Variants in UNC5C observed in about 807,000 individuals in gnomAD.
The protein encoded by UNC5C is netrin receptor UNC5C.
UNC5C carries 47 observed loss-of-function variants against 99.8 expected under a neutral mutation model. That is an observed-to-expected ratio of 0.47 (90% CI 0.37 to 0.60). The LOEUF is 0.60. Ranked by LOEUF, UNC5C falls within the 20% of genes least tolerant of loss-of-function variation. UNC5C has a pLI of 0.00. For missense variants in UNC5C, 1,062 were observed against 1,165.9 expected (o/e 0.91, Z 1.30); for synonymous variants, 487 against 452.2 (o/e 1.08, Z -0.98).
intron 8 of UNC5C, among the ~76,000 whole-genome samples, chr4:95,219,532 T>C (rs1374795722): frequency 6.6e-6 from 1 of 152,172 alleles, no homozygotes; most frequent in Non-Finnish European, 1.5e-5. Flanking sequence ...ATAATTTGCT[T>C]TGATGTCTAC....
intron 1 of UNC5C, among the ~76,000 whole-genome samples, chr4:95,500,928 A>C (rs1295966329): frequency 1.3e-5 from 2 of 152,128 alleles, no homozygotes; most frequent in Non-Finnish European, 2.9e-5. Context: ...TGGAAAAGAA[A>C]TGTTACAACT....
intron 1 of UNC5C, among the ~76,000 whole-genome samples, chr4:95,536,050 A>G (rs937090729): frequency 1.6e-5 from 2 of 127,458 alleles, no homozygotes; most frequent in African/African-American, 2.9e-5. Flanking sequence ...GGCAGTCCAT[A>G]TACATACATA....
intron 11 of UNC5C, among the ~76,000 whole-genome samples, chr4:95,204,914 A>T (rs1016039598): frequency 6.6e-6 from 1 of 152,222 alleles, no homozygotes; most frequent in Non-Finnish European, 1.5e-5. Context: ...AGCATCAGTG[A>T]AATAATTTCT....
intron 2 of UNC5C, among the ~76,000 whole-genome samples, chr4:95,306,734 T>G (rs1333565454): frequency 6.6e-6 from 1 of 152,180 alleles, no homozygotes; most frequent in Non-Finnish European, 1.5e-5. Context: ...GATATCATGT[T>G]GTGCAGGCCT....
At chr4:95,171,160 A>G (rs1253029532) in intron 14 of UNC5C, among the ~76,000 whole-genome samples, 2 of 152,176 alleles carry the variant, frequency 1.3e-5, no homozygotes, top group South Asian at 2.1e-4. Context: ...CCTGGGAACT[A>G]TTAAAGCAAT....
intron 14 of UNC5C, among the ~76,000 whole-genome samples, chr4:95,176,028 A>G (rs543579334): frequency 1.6e-3 from 241 of 151,354 alleles, no homozygotes; most frequent in African/African-American, 5.6e-3. Context: ...CTTCCAGTTG[A>G]TCGCATTGGC....
At chr4:95,499,432 C>G (rs1045287728) in intron 1 of UNC5C, among the ~76,000 whole-genome samples, 3 of 152,096 alleles carry the variant, frequency 2.0e-5, no homozygotes, top group Non-Finnish European at 4.4e-5. Flanking sequence ...ATCCAAGCAG[C>G]CTTTGCCTCT....
At chr4:95,364,961 A>C (rs1744508341) in intron 1 of UNC5C, among the ~76,000 whole-genome samples, 1 of 151,920 alleles carries the variant, frequency 6.6e-6, no homozygotes, top group East Asian at 1.9e-4. Flanking sequence ...ACTAATATAG[A>C]TATATTTATA....
At chr4:95,332,919 C>T (rs1035041615) in intron 2 of UNC5C, among the ~76,000 whole-genome samples, 1 of 152,118 alleles carries the variant, frequency 6.6e-6, no homozygotes. Context: ...AGGACATGAA[C>T]AGACACCTCT....
rs201664160 is a variant in UNC5C, at chr4:95,189,698, CT to C, written c.2137-4503del. Among the ~76,000 whole-genome samples, 707 of 152,294 alleles carry C rather than the reference CT, an allele frequency of 4.6e-3. 6 individuals are homozygous for C. The highest frequency in any genetic ancestry group is 0.015 in the African/African-American group (643 of 41,558). ...GGGCGAAGGATATGAACAGACACTT[CT>C]CAAAAGAAGACATTTATGCAGTCAA... On this transcript the variant is annotated intron_variant, in intron 12 of 15. Transcript: ENST00000453304.
At chr4:95,191,591 C>T (rs1461056132) in intron 12 of UNC5C, among the ~76,000 whole-genome samples, 1 of 151,582 alleles carries the variant, frequency 6.6e-6, no homozygotes. Flanking sequence ...TCACCTTTCT[C>T]CCCTGCTCTC....
chr4:95,267,175 G>C (rs1740479833), intron 4 of UNC5C, among the ~76,000 whole-genome samples: 1 of 152,216 alleles, frequency 6.6e-6, no homozygotes, highest in Admixed American at 6.5e-5. Flanking sequence ...GGGGCAAAGT[G>C]ATATAATTTT....
Position 95,219,081 on chromosome 4 carries a change from C to T in UNC5C, c.1533G>A (p.Glu511=), listed in dbSNP as rs373018154. 9.9e-6 allele frequency: 16 copies of T among 1,614,152 alleles called. No individual in the cohort carries two copies. The highest frequency in any genetic ancestry group is 1.4e-5 in the Non-Finnish European group (16 of 1,180,016). Residue 511 remains glutamate (E), a synonymous_variant, in exon 9 of 16, where the codon GAG becomes GAA. Coordinates refer to ENST00000453304, the MANE Select transcript of UNC5C (RefSeq NM_003728.4). The part of the protein sequence containing the change: ...LSPQMTQSLL[E]NEALSLKNQS... ...GGTTCTTCAGGCTGAGGGCTTCATT[C>T]TCCAACAACGACTGGGTCATCTGAG...
chr4:95,414,265 G>C (rs1441089985), intron 1 of UNC5C, among the ~76,000 whole-genome samples: 1 of 150,172 alleles, frequency 6.7e-6, no homozygotes, highest in African/African-American at 2.4e-5. Flanking sequence ...TACCAAAAAA[G>C]AGCAGATAAG....
chr4:95,489,270 G>A (rs1428904543), intron 1 of UNC5C, among the ~76,000 whole-genome samples: 1 of 151,640 alleles, frequency 6.6e-6, no homozygotes, highest in Non-Finnish European at 1.5e-5. Flanking sequence ...TTGGGACACT[G>A]CAAACAGGAA....
chr4:95,208,149 G>A (rs1449046991), intron 10 of UNC5C, among the ~76,000 whole-genome samples: 8 of 152,148 alleles, frequency 5.3e-5, no homozygotes, highest in Non-Finnish European at 2.9e-5. Context: ...TAGTATGAGA[G>A]AGTATTTTCT....
intron 12 of UNC5C, among the ~76,000 whole-genome samples, chr4:95,186,896 C>T (rs1373160745): frequency 1.3e-5 from 2 of 152,254 alleles, no homozygotes; most frequent in South Asian, 2.1e-4. Context: ...TGTGCCTGAG[C>T]TCAGCAGGCT....
At chr4:95,470,334 C>T (rs1012002241) in intron 1 of UNC5C, among the ~76,000 whole-genome samples, 23 of 152,048 alleles carry the variant, frequency 1.5e-4, no homozygotes, top group African/African-American at 5.3e-4. Flanking sequence ...AGTTCAAACG[C>T]ATGTTGTTCA....
At chr4:95,294,861 C>T (rs1741616846) in intron 3 of UNC5C, among the ~76,000 whole-genome samples, 1 of 152,152 alleles carries the variant, frequency 6.6e-6, no homozygotes, top group African/African-American at 2.4e-5. Context: ...ATATGTTTTA[C>T]AAGTTTATCT....
Sources: gnomAD v4.1 joint callset for allele counts (sites outside exome capture counted in the v4.1 genomes callset) on GRCh38, gnomAD v4.1.1 for gene constraint, MANE v1.5 for transcripts, NCBI Gene and HGNC (gene_info 2026-07-23, HGNC 2026-07-21) for gene names.